MAPK10: variants seen among roughly 807,000 people sequenced by gnomAD.
MAPK10 encodes JNK3 alpha protein kinase.
Under a neutral mutation model 59.3 loss-of-function variants are expected in MAPK10, and 25 were observed. That is an observed-to-expected ratio of 0.42 (90% CI 0.31 to 0.59). The LOEUF (loss-of-function observed/expected upper bound fraction) is 0.59, where lower values mean the gene tolerates loss of function less well. Ranked by LOEUF, MAPK10 falls within the 20% of genes least tolerant of loss-of-function variation. The pLI is 0.15. For synonymous variants in MAPK10, 190 were observed against 200.5 expected (o/e 0.95, Z 0.44); for missense variants, 351 against 568.9 (o/e 0.62, Z 3.90).
At chr4:86,506,742 A>C (rs910477639) in intron 1 of MAPK10, among the ~76,000 whole-genome samples, 3 of 152,106 alleles carry the variant, frequency 2.0e-5, no homozygotes, top group African/African-American at 7.2e-5. Context: ...GTCGACTCAA[A>C]GGTCAAGAGG....
At chr4:86,392,283 A>G (rs1742313808) in intron 1 of MAPK10, 1 of 152,260 alleles carries the variant, frequency 6.6e-6, no homozygotes, top group Non-Finnish European at 1.5e-5. Context: ...TACTAAAAAT[A>G]CAAAAATTAG....
chr4:86,446,892 G>A (rs1185435177), intron 1 of MAPK10, among the ~76,000 whole-genome samples: 1 of 151,768 alleles, frequency 6.6e-6, no homozygotes, highest in Non-Finnish European at 1.5e-5. Flanking sequence ...CCATGTGTTT[G>A]TCTTTTTTTA....
intron 1 of MAPK10, among the ~76,000 whole-genome samples, chr4:86,549,949 T>A (rs1208412164): frequency 6.6e-6 from 1 of 152,182 alleles, no homozygotes; most frequent in Non-Finnish European, 1.5e-5. Context: ...TTTCTAGGAA[T>A]TTTTCAGGCC....
chr4:86,342,685 A>C (rs575074236), intron 2 of MAPK10, among the ~76,000 whole-genome samples: 1 of 152,314 alleles, frequency 6.6e-6, no homozygotes, highest in East Asian at 1.9e-4. Flanking sequence ...ATGAAATCAT[A>C]AAGAACCCAG....
intron 1 of MAPK10, among the ~76,000 whole-genome samples, chr4:86,460,935 C>T (rs546569878): frequency 6.6e-6 from 1 of 152,198 alleles, no homozygotes; most frequent in East Asian, 1.9e-4. Flanking sequence ...CTGTGAGACC[C>T]CTGAATTCCC....
intron 2 of MAPK10, among the ~76,000 whole-genome samples, chr4:86,304,387 CTTTTTTTTT>C (rs1162506350): frequency 8.9e-6 from 1 of 112,562 alleles, no homozygotes; most frequent in African/African-American, 3.8e-5. Context: ...TGGAGTATTT[CTTTTTTTTT>C]TTTTTTTTTT....
At chr4:86,291,793 G>A (rs893244421) in intron 2 of MAPK10, among the ~76,000 whole-genome samples, 4 of 152,168 alleles carry the variant, frequency 2.6e-5, no homozygotes, top group Admixed American at 2.6e-4. Context: ...AGGAAAAAAT[G>A]ACTCATTTTG....
At chr4:86,504,341 G>T (rs548428982) in intron 1 of MAPK10, among the ~76,000 whole-genome samples, 1 of 152,106 alleles carries the variant, frequency 6.6e-6, no homozygotes, top group East Asian at 1.9e-4. Flanking sequence ...CCAACCTGTG[G>T]GCCAAAGATC....
chr4:86,037,344 C>T (rs757858416), intron 11 of MAPK10, among the ~76,000 whole-genome samples: 1 of 152,018 alleles, frequency 6.6e-6, no homozygotes, highest in Non-Finnish European at 1.5e-5. Context: ...CACAGTGAAA[C>T]CCCATCTCTA....
chr4:86,174,401 A>C (rs1581924840), intron 3 of MAPK10, among the ~76,000 whole-genome samples: 1 of 152,278 alleles, frequency 6.6e-6, no homozygotes, highest in South Asian at 2.1e-4. Flanking sequence ...CTCACTCATA[A>C]GTGGGAGCTG....
chr4:86,549,221 C>T (rs1578083597), intron 1 of MAPK10, among the ~76,000 whole-genome samples: 1 of 152,268 alleles, frequency 6.6e-6, no homozygotes, highest in East Asian at 1.9e-4. Flanking sequence ...ATTCAAAATA[C>T]AGTCCGGCAT....
At chr4:86,062,627 G>A (rs2045953434) in intron 11 of MAPK10, among the ~76,000 whole-genome samples, 1 of 151,924 alleles carries the variant, frequency 6.6e-6, no homozygotes, top group Non-Finnish European at 1.5e-5. Flanking sequence ...CACATAGTGA[G>A]GCATAAGTTA....
At chr4:86,410,781 G>A (rs1745054409) in intron 1 of MAPK10, among the ~76,000 whole-genome samples, 1 of 152,048 alleles carries the variant, frequency 6.6e-6, no homozygotes. Flanking sequence ...TGTCTATTTT[G>A]ATTCTTATCT....
rs371431955 is a variant in MAPK10 at position 86,012,954 on chromosome 4, G to A, written c.*4274C>T. The A allele has an allele frequency of 9.9e-5, 15 of 152,178 alleles. No homozygotes were observed. The highest frequency in any genetic ancestry group is 3.6e-4 in the African/African-American group (15 of 41,424). 9.4% of individuals were successfully genotyped at this position (152,178 alleles called of 1,614,324 possible). On this transcript the variant is annotated 3_prime_UTR_variant, in exon 14 of 14. Transcript: ENST00000641462. Reference sequence around the variant, plus strand: ...TCCAATCATGCAGAAAAACAGGCAGGTGCAAGTTAGGTCTCATTGCAAGAT... The same window carrying A: ...TCCAATCATGCAGAAAAACAGGCAGATGCAAGTTAGGTCTCATTGCAAGAT...
intron 1 of MAPK10, among the ~76,000 whole-genome samples, chr4:86,523,717 C>T (rs1757280467): frequency 6.6e-6 from 1 of 152,244 alleles, no homozygotes; most frequent in South Asian, 2.1e-4. Flanking sequence ...TCTACCCCTA[C>T]TTTCCAGAGT....
chr4:86,259,651 T>C (rs575179267), intron 2 of MAPK10, among the ~76,000 whole-genome samples: 1 of 152,228 alleles, frequency 6.6e-6, no homozygotes, highest in Admixed American at 6.5e-5. Flanking sequence ...TTAGTGATGC[T>C]TTTTCTATAA....
At chr4:86,218,821 T>C (rs1174848705) in intron 2 of MAPK10, among the ~76,000 whole-genome samples, 2 of 152,182 alleles carry the variant, frequency 1.3e-5, no homozygotes, top group East Asian at 3.9e-4. Flanking sequence ...GAGGTCACTC[T>C]ATCTCCCAGT....
intron 3 of MAPK10, among the ~76,000 whole-genome samples, chr4:86,162,543 T>C (rs2070146819): frequency 6.6e-6 from 1 of 152,038 alleles, no homozygotes; most frequent in Non-Finnish European, 1.5e-5. Context: ...TTTCAGCCCT[T>C]TGTGATAGTT....
At chr4:86,235,733 A>G (rs528576492) in intron 2 of MAPK10, among the ~76,000 whole-genome samples, 1 of 152,290 alleles carries the variant, frequency 6.6e-6, no homozygotes, top group Admixed American at 6.5e-5. Flanking sequence ...GCTGAACAGA[A>G]AAGGAGCTGT....
Sources: allele counts gnomAD v4.1 joint callset (sites outside exome capture counted in the v4.1 genomes callset), GRCh38; gene constraint gnomAD v4.1.1; transcripts MANE v1.5; gene names NCBI Gene and HGNC (gene_info 2026-07-23, HGNC 2026-07-21).